TAF1: variants seen among roughly 807,000 people sequenced by gnomAD.
The protein encoded by TAF1 is transcription initiation factor TFIID subunit 1.
Under a neutral mutation model 138.5 loss-of-function variants are expected in TAF1, and 2 were observed. That is an observed-to-expected ratio of 0.01 (90% CI 0.01 to 0.05). The LOEUF (loss-of-function observed/expected upper bound fraction) is 0.05, where lower values mean the gene tolerates loss of function less well. TAF1 is among the 10% of genes least tolerant of loss of function. The pLI is 1.00. For synonymous variants in TAF1, 437 were observed against 503.2 expected, an observed-to-expected ratio of 0.87 and a Z score of 1.76; for missense variants, 709 against 1,478.0, an observed-to-expected ratio of 0.48 and a Z score of 8.53.
At chrX:71,409,028 A>G (rs759748970) in intron 28 of TAF1, among the ~76,000 whole-genome samples, 7 of 110,042 alleles carry the variant, frequency 6.4e-5, no homozygotes, top group East Asian at 5.7e-4. Context: ...AAAAAAAAAA[A>G]AGAGAGAGAG....
intron 32 of TAF1, among the ~76,000 whole-genome samples, chrX:71,453,432 G>A (rs758871409): frequency 1.1e-5 from 1 of 92,102 alleles, no homozygotes; most frequent in South Asian, 5.7e-4. Context: ...TGGGCATGGT[G>A]GTGCATGCCT....
chrX:71,432,470 A>G (rs779436602), intron 32 of TAF1, among the ~76,000 whole-genome samples: 3 of 110,687 alleles, frequency 2.7e-5, no homozygotes, highest in Non-Finnish European at 3.8e-5. Context: ...CTGTTGAGCA[A>G]CTTTTGAAGG....
At chrX:71,375,465 A>C (rs2033402855) in intron 4 of TAF1, among the ~76,000 whole-genome samples, 179 bp downstream of exon 4, 1 of 111,517 alleles carries the variant, frequency 9.0e-6, no homozygotes, top group Admixed American at 9.6e-5. Context: ...AACATTTGGC[A>C]ACAGTATTTT....
Position 71,525,123 on chromosome X carries a change from C to T in TAF1, c.1367-3419C>T, listed in dbSNP as rs762547092. Among the ~76,000 whole-genome samples, 3 of 109,212 alleles carry T rather than the reference C, an allele frequency of 2.7e-5. No homozygotes were observed. The East Asian group carries it at 8.8e-4, about 32-fold the overall frequency. The allele number at this position is 109,212 out of a possible 115,157, so 94.8% of individuals were successfully genotyped here. On this transcript the variant is annotated intron_variant and NMD_transcript_variant, in intron 13 of 14. Coordinates refer to the TAF1 transcript ENST00000373775. ...GTGGTGTGATCTTGGCTCACTGCAA[C>T]CTCCACCTCCCAGGTTCAAGCAATT...
intron 3 of TAF1, among the ~76,000 whole-genome samples, chrX:71,371,121 G>A (rs1375967166): frequency 9.0e-6 from 1 of 111,722 alleles, no homozygotes; most frequent in Non-Finnish European, 1.9e-5. Flanking sequence ...ACTAGGGATG[G>A]TAAGGAAAAG....
At chrX:71,491,496 C>T (rs995666483) in intron 13 of TAF1, among the ~76,000 whole-genome samples, 1 of 110,677 alleles carries the variant, frequency 9.0e-6, no homozygotes. Flanking sequence ...GTCATTATTT[C>T]TTTAACGGCA....
At chrX:71,367,031 C>T (rs780889955) in intron 1 of TAF1, among the ~76,000 whole-genome samples, 1 of 112,054 alleles carries the variant, frequency 8.9e-6, no homozygotes, top group East Asian at 2.8e-4. Flanking sequence ...GAAATAGTGT[C>T]CTGCGCCCTA....
At chrX:71,497,418 T>C (rs1406995061) in intron 13 of TAF1, among the ~76,000 whole-genome samples, 1 of 111,722 alleles carries the variant, frequency 9.0e-6, no homozygotes, top group Non-Finnish European at 1.9e-5. Context: ...AAACTTCCTT[T>C]GGCACCTAGT....
intron 13 of TAF1, among the ~76,000 whole-genome samples, chrX:71,517,294 A>G (rs148022790): frequency 0.019 from 2,105 of 111,776 alleles, 47 homozygotes; most frequent in African/African-American, 0.065. Context: ...GGGCGACTAT[A>G]GTCAATAATT....
intron 21 of TAF1, 150 bp downstream of exon 21, chrX:71,393,626 C>T (rs2034691117): frequency 1.2e-6 from 1 of 849,511 alleles, no homozygotes; most frequent in Non-Finnish European, 1.6e-6. Flanking sequence ...TTTGTAATCC[C>T]ACCACCAGAT....
At chrX:71,424,131 G>A (rs376191649) in intron 31 of TAF1, 23 bp from the exon 32 acceptor site, 1 of 1,202,803 alleles carries the variant, frequency 8.3e-7, no homozygotes, top group African/African-American at 1.8e-5. Context: ...GTGTATCTGA[G>A]TGCCTGATTC....
At chrX:71,471,344 T>C (rs574487362) in intron 13 of TAF1, among the ~76,000 whole-genome samples, 103 of 101,379 alleles carry the variant, frequency 1.0e-3, no homozygotes, top group African/African-American at 2.9e-3. Context: ...TATATATATA[T>C]ATACACACAC....
chrX:71,410,303 AT>A (rs909804518), intron 28 of TAF1, among the ~76,000 whole-genome samples: 1 of 109,172 alleles, frequency 9.2e-6, no homozygotes, highest in African/African-American at 3.3e-5. Context: ...AAAAAAATTT[AT>A]TTTTTTTATG....
chrX:71,445,066 C>T (rs992603724), intron 32 of TAF1, among the ~76,000 whole-genome samples: 3 of 109,882 alleles, frequency 2.7e-5, no homozygotes, highest in Admixed American at 9.8e-5. Context: ...CAGAACGAGA[C>T]GGGTGGGTTG....
At position 71,454,195 on chromosome X, in the gene TAF1, T is replaced by G. The variant is rs1337847886; in HGVS notation, c.4779T>G (p.Thr1593=). The G allele has an allele frequency of 1.7e-6, 2 of 1,209,072 alleles. No homozygotes were observed. Among genetic ancestry groups the G allele is most frequent in the Non-Finnish European group, 2.2e-6 (2 of 894,525 alleles). Residue 1593 remains threonine, a synonymous_variant, in exon 33 of 38, where the codon ACT becomes ACG. Coordinates refer to ENST00000423759, the MANE Select transcript of TAF1 (RefSeq NM_004606.5). ...GACCTGAGAGTCAGTATACTAAGAC[T>G]GCCCAGGAGATTGTGAACGTCTGTT... ...YNGPESQYTK[T]AQEIVNVCYQ... is the part of the protein sequence containing the mutation.
At chrX:71,375,391 A>C (rs1178216595) in intron 4 of TAF1, 105 bp downstream of exon 4, 3 of 1,002,657 alleles carry the variant, frequency 3.0e-6, no homozygotes, top group African/African-American at 3.9e-5. Flanking sequence ...ATGAAGGGAC[A>C]AAACTTCTAG....
intron 3 of TAF1, among the ~76,000 whole-genome samples, chrX:71,371,730 T>C (rs775535505): frequency 1.8e-5 from 2 of 111,697 alleles, no homozygotes; most frequent in African/African-American, 6.5e-5. Context: ...TAGAGTGTCA[T>C]AGATTCAAAT....
At chrX:71,408,957 T>A (rs1428016854) in intron 28 of TAF1, among the ~76,000 whole-genome samples, 1 of 103,409 alleles carries the variant, frequency 9.7e-6, no homozygotes, top group Non-Finnish European at 2.0e-5. Context: ...GAGCTTGTAG[T>A]GAGCCGAGAT....
In TAF1 at chrX:71,397,437, C is replaced by T; in HGVS notation, c.3591C>T (p.Arg1197=). Residue 1197 remains arginine (R), a synonymous_variant, in exon 23 of 38, where the codon CGC becomes CGT. Coordinates refer to ENST00000423759, the MANE Select transcript of TAF1 (RefSeq NM_004606.5). ...RKPAVIDAYV[R]IRTTKDEEFI... ...CAGCTGTCATTGATGCCTATGTGCG[C>T]ATACGGACTACAAAAGATGAGGAAT... 1 of 1,211,771 alleles carries T rather than the reference C, an allele frequency of 8.3e-7. No individual in the cohort carries two copies. The highest frequency in any genetic ancestry group is 1.1e-6 in the Non-Finnish European group (1 of 895,541).
Sources: gnomAD v4.1 joint callset for allele counts (sites outside exome capture counted in the v4.1 genomes callset) on GRCh38, gnomAD v4.1.1 for gene constraint, MANE v1.5 for transcripts, NCBI Gene and HGNC (gene_info 2026-07-23, HGNC 2026-07-21) for gene names.